EVC: variants seen among roughly 807,000 people sequenced by gnomAD.
EVC encodes the protein EvC ciliary complex subunit 1.
Under a neutral mutation model 118.9 loss-of-function variants are expected in EVC, and 116 were observed. The observed-to-expected ratio is 0.98, with a 90% confidence interval of 0.84 to 1.14. EVC has a LOEUF of 1.14. Among genes scored for constraint, EVC ranks in the 50% most tolerant of loss-of-function variants. The pLI is 0.00. For synonymous variants in EVC, 619 were observed against 534.7 expected (o/e 1.16, Z -2.18); for missense variants, 1,401 against 1,246.4 (o/e 1.12, Z -1.87).
intron 19 of EVC, 78 bp downstream of exon 19, chr4:5,809,689 T>A: frequency 8.0e-7 from 1 of 1,256,634 alleles, no homozygotes; most frequent in Non-Finnish European, 1.1e-6. Flanking sequence ...CACTGGCCAC[T>A]AACTAGCTGT....
At chr4:5,741,669 C>T (rs776182951) in intron 5 of EVC, 47 bp from the exon 6 acceptor site, 1 of 1,129,848 alleles carries the variant, frequency 8.9e-7, no homozygotes, top group Non-Finnish European at 1.3e-6. Context: ...GACAAAAATA[C>T]CATTGATTAA....
chr4:5,753,039 G>A lies in EVC; in HGVS notation c.1302G>A (p.Glu434=). The A allele has an allele frequency of 6.2e-7, 1 of 1,600,376 alleles. No individual in the cohort carries two copies. The highest frequency in any genetic ancestry group is 8.5e-7 in the Non-Finnish European group (1 of 1,174,176). Residue 434 remains glutamate, a synonymous_variant, in exon 9 of 21, where the codon GAG becomes GAA. Transcript: ENST00000264956. ...ACAAGGCCTTCTGGCAGGAGGCAGA[G>A]CGCTTCAGCCGGGGTGAGCCGTGGG... ...QQHKAFWQEA[E]RFSREFVQRG...
Position 5,778,087 on chromosome 4 carries a change from T to C in EVC, c.1564-5465T>C, listed in dbSNP as rs573145521. Among the ~76,000 whole-genome samples the C allele has an allele frequency of 6.6e-4, 99 of 149,116 alleles. 1 individual carries two copies. Among genetic ancestry groups the C allele is most frequent in the African/African-American group, 2.2e-3 (87 of 40,416 alleles). On this transcript the variant is annotated intron_variant, in intron 11 of 20. Transcript: ENST00000264956. ...CCCACCTATGAGTGAGAATATGCGG[T>C]GTTTGGTTTTTTGTTCTTGCGATAG...
chr4:5,793,688 C>G lies in EVC; in HGVS notation c.1857C>G (p.Val619=), dbSNP rs2152326683. ...ACCACGAGGGCACCATCCGCGGCGT[C>G]TTGGGCCGACTGGGCGGCCTCACTG... ...REDHEGTIRG[V]LGRLGGLTEE... The change falls in exon 13 of 21, where the codon GTC becomes GTG. Residue 619 remains valine, a synonymous_variant. Transcript: ENST00000264956. 1.3e-6 allele frequency: 2 copies of G among 1,551,242 alleles called. No individual in the cohort carries two copies.
At chr4:5,816,541 C>T (rs1717701383), downstream of EVC, among the ~76,000 whole-genome samples, 1 of 151,788 alleles carries the variant, frequency 6.6e-6, no homozygotes, top group African/African-American at 2.4e-5. Flanking sequence ...CAGAGTCTTG[C>T]CTCCCTCCCT....
In EVC at chr4:5,749,881, C is replaced by T. The variant is rs1577427380; in HGVS notation, c.1098+1575C>T. 6.6e-6 allele frequency among the ~76,000 whole-genome samples: 1 copy of T among 152,290 alleles called. No homozygotes were observed. The highest frequency in any genetic ancestry group is 1.5e-5 in the Non-Finnish European group (1 of 68,026). ...CATGCCTCTCCCAATCCGCTCTGCT[C>T]CTCCAGGTGTGATCCACAGACCACA... On this transcript the variant is annotated intron_variant, in intron 8 of 20. Coordinates refer to ENST00000264956, the MANE Select transcript of EVC (RefSeq NM_153717.3). The surrounding 1 kb of genome is among the most constrained non-coding windows in gnomAD (Gnocchi z 4.4).
intron 11 of EVC, among the ~76,000 whole-genome samples, chr4:5,781,968 C>T (rs2152280764): frequency 6.6e-6 from 1 of 152,252 alleles, no homozygotes. Context: ...GAGAGAGGGT[C>T]ACTGCATTCA....
At chr4:5,827,512 C>G in the EVC span, among the ~76,000 whole-genome samples, 1 of 152,076 alleles carries the variant, frequency 6.6e-6, no homozygotes, top group East Asian at 1.9e-4. Flanking sequence ...GGTCTCTGGA[C>G]TTCTCCATCT....
At chr4:5,753,073 C>G in intron 9 of EVC, 21 bp downstream of exon 9, 1 of 1,559,714 alleles carries the variant, frequency 6.4e-7, no homozygotes, top group Non-Finnish European at 8.7e-7. Flanking sequence ...GGCATGGGTG[C>G]CGCCGTCCAC....
In EVC at chr4:5,748,579, TCCAC is replaced by T. The variant is rs200613491; in HGVS notation, c.1098+277_1098+280del. ...TCCCACCCATTTATCCATCCATCCA[TCCAC>T]CCATCCATCCATCCATCCACCCATC... is the stretch of plus-strand genomic sequence containing the variant. On this transcript the variant is annotated intron_variant, in intron 8 of 20. Coordinates refer to ENST00000264956, the MANE Select transcript of EVC (RefSeq NM_153717.3). Among the ~76,000 whole-genome samples, 3,980 of 99,962 alleles carry T rather than the reference TCCAC, an allele frequency of 0.04. 114 individuals are homozygous for T. Among genetic ancestry groups the T allele is most frequent in the East Asian group, 0.062 (180 of 2,902 alleles). 65.6% of individuals were successfully genotyped at this position (99,962 alleles called of 152,430 possible). A position where few individuals can be genotyped will look rare whatever the true frequency, so the allele number is the denominator to read the frequency against.
At chr4:5,713,467 C>T (rs1420443521) in intron 1 of EVC, among the ~76,000 whole-genome samples, 1 of 152,174 alleles carries the variant, frequency 6.6e-6, no homozygotes. Flanking sequence ...CAACTGAGGT[C>T]AGGAGTTCGA....
At chr4:5,770,525 G>A (rs1733779294) in intron 11 of EVC, among the ~76,000 whole-genome samples, 1 of 152,102 alleles carries the variant, frequency 6.6e-6, no homozygotes, top group African/African-American at 2.4e-5. Context: ...TAGGAGTCAG[G>A]CCCAAGCCTC....
the EVC span, among the ~76,000 whole-genome samples, chr4:5,820,428 G>A: frequency 6.6e-6 from 1 of 152,306 alleles, no homozygotes; most frequent in African/African-American, 2.4e-5. Context: ...GGAAATGGAA[G>A]GAAGAAATGT....
rs138808610 is a variant in EVC at position 5,811,019 on chromosome 4, G to A, written c.2961G>A (p.Lys987=). The change falls in exon 21 of 21, where the codon AAG becomes AAA. Residue 987 remains lysine (K), a synonymous_variant. Coordinates refer to ENST00000264956, the MANE Select transcript of EVC (RefSeq NM_153717.3). ...GDSGNSKKML[K]RRSNL is the part of the protein sequence containing the mutation. ...GTGGGAACTCAAAGAAGATGCTAAA[G>A]AGAAGAAGCAACTTGTAGTTTAAGA... The A allele has an allele frequency of 8.7e-5, 140 of 1,612,294 alleles. No homozygotes were observed. Among genetic ancestry groups the A allele is most frequent in the Non-Finnish European group, 1.1e-4 (135 of 1,179,090 alleles).
At chr4:5,733,822 C>T in intron 5 of EVC, among the ~76,000 whole-genome samples, 1 of 152,120 alleles carries the variant, frequency 6.6e-6, no homozygotes, top group South Asian at 2.1e-4. Flanking sequence ...TACGAGGTCC[C>T]AGGAGTATTA....
rs370388849 is a variant in EVC, at chr4:5,748,301, G to A, written c.1093G>A (p.Ala365Thr). 1.6e-5 allele frequency: 26 copies of A among 1,614,006 alleles called. No homozygotes were observed. The highest frequency in any genetic ancestry group is 4.0e-5 in the African/African-American group (3 of 74,896). ...GLLCDSQELQ[A>T]LDALERTMGR... is the part of the protein sequence containing the mutation. ...ATTGTGCGATTCTCAGGAGCTGCAG[G>A]CTCTGGTAATGCTGGAGGGGGCGGG... is the stretch of plus-strand genomic sequence containing the variant. The change falls in exon 8 of 21, where the codon GCT (alanine) becomes ACT (threonine). Residue 365 changes from alanine (A) to threonine (T), a missense_variant. Transcript: ENST00000264956.
At chr4:5,729,608 G>A (rs913390171) in intron 3 of EVC, among the ~76,000 whole-genome samples, 4 of 152,138 alleles carry the variant, frequency 2.6e-5, no homozygotes, top group African/African-American at 4.8e-5. Context: ...CCAGGGACAC[G>A]AGGTAACAGC....
chr4:5,803,444 C>G (rs1405869266), intron 16 of EVC, among the ~76,000 whole-genome samples: 1 of 152,208 alleles, frequency 6.6e-6, no homozygotes, highest in Non-Finnish European at 1.5e-5. Context: ...AGGAGACAGA[C>G]ATGATTGCTT....
chr4:5,803,520 C>T (rs911714029), intron 16 of EVC, among the ~76,000 whole-genome samples: 2 of 152,208 alleles, frequency 1.3e-5, no homozygotes, highest in African/African-American at 4.8e-5. Context: ...GTTTCCCCAT[C>T]TGTGGGACTA....
Sources: gnomAD v4.1 joint callset for allele counts (sites outside exome capture counted in the v4.1 genomes callset) on GRCh38, gnomAD v4.1.1 for gene constraint, Gnocchi (gnomAD v3.1) non-coding constraint, MANE v1.5 for transcripts, NCBI Gene and HGNC (gene_info 2026-07-23, HGNC 2026-07-21) for gene names.